MYH14: variants seen among roughly 807,000 people sequenced by gnomAD.
MYH14 encodes the protein myosin-14.
MYH14 carries 123 observed loss-of-function variants against 255.5 expected under a neutral mutation model. The ratio of observed to expected loss-of-function variants is 0.48; its 90% confidence interval spans 0.42 to 0.56. MYH14 has a LOEUF of 0.56. Among genes scored for constraint, MYH14 ranks in the 20% least tolerant of loss-of-function variants. MYH14 has a pLI of 0.00. For missense variants in MYH14, 2,423 were observed against 2,802.3 expected (o/e 0.86, Z 3.06); for synonymous variants, 1,095 against 1,161.2 (o/e 0.94, Z 1.16).
intron 39 of MYH14, among the ~76,000 whole-genome samples, chr19:50,298,330 C>G (rs929880901): frequency 6.6e-6 from 1 of 151,946 alleles, no homozygotes; most frequent in African/African-American, 2.4e-5. Flanking sequence ...TCTGTTTACT[C>G]TAAAAGGGCT....
intron 33 of MYH14, chr19:50,285,908 A>G (rs1363764954): frequency 6.6e-6 from 1 of 152,132 alleles, no homozygotes; most frequent in Non-Finnish European, 1.5e-5. Context: ...TTTATTTCAG[A>G]TATTTCATTT....
chr19:50,247,499 G>A lies in MYH14; in HGVS notation c.1329+377G>A, dbSNP rs552253053. ...AGCCTGGGTGACAGACTGAGACTCTGTCTCTAAAAAAATTAAAAAATTTAA... is the reference window on the plus strand; with the variant it reads ...AGCCTGGGTGACAGACTGAGACTCTATCTCTAAAAAAATTAAAAAATTTAA... On this transcript the variant is annotated intron_variant, in intron 12 of 42. Coordinates refer to ENST00000642316, the MANE Select transcript of MYH14 (RefSeq NM_001145809.2). Among the ~76,000 whole-genome samples, 4 of 151,844 alleles carry A rather than the reference G, an allele frequency of 2.6e-5. No individual in the cohort carries two copies. In the South Asian group the frequency reaches 8.3e-4, roughly 32 times the overall value.
rs2036752502 is a variant in MYH14 at position 50,309,072 on chromosome 19, C to T, written c.5855C>T (p.Ser1952Phe). 1.9e-6 allele frequency: 3 copies of T among 1,613,870 alleles called. No homozygotes were observed. The highest frequency in any genetic ancestry group is 2.5e-6 in the Non-Finnish European group (3 of 1,179,818). The change falls in exon 42 of 43, where the codon TCC becomes TTC. Residue 1952 changes from serine to phenylalanine, a missense_variant. Physicochemically the swap from Ser to Phe is radical, Grantham distance 155 (BLOSUM62 -2). This residue lies in a region of MYH14 where 1,513 missense variants were observed against 1,674.8 expected (regional missense o/e 0.90). Transcript: ENST00000642316. ...RQLEEAEEEA[S>F]RAQAGRRRLQ... ...CTGGAGGAGGCCGAGGAGGAGGCAT[C>T]CCGGGCTCAGGCCGGCCGCCGGAGG...
intron 21 of MYH14, among the ~76,000 whole-genome samples, chr19:50,262,159 G>A (rs2034906963): frequency 6.6e-6 from 1 of 152,172 alleles, no homozygotes; most frequent in Admixed American, 6.5e-5. Context: ...AATGGGAAAG[G>A]TGATCAGGGC....
intron 3 of MYH14, among the ~76,000 whole-genome samples, chr19:50,220,796 G>A (rs983350346): frequency 3.3e-5 from 5 of 151,884 alleles, no homozygotes; most frequent in East Asian, 1.9e-4. Context: ...CAGGTGATCC[G>A]CCTACCTCAG....
chr19:50,218,032 C>T (rs1050904582), intron 3 of MYH14, among the ~76,000 whole-genome samples: 3 of 151,918 alleles, frequency 2.0e-5, no homozygotes, highest in Admixed American at 6.5e-5. Flanking sequence ...AGTCTTGCTC[C>T]GTCACCCAGG....
chr19:50,281,924 C>T (rs2123424646), intron 33 of MYH14, 82 bp downstream of exon 33: 2 of 1,453,426 alleles, frequency 1.4e-6, no homozygotes, highest in East Asian at 2.3e-5. Context: ...ACCAGTAATC[C>T]GTGCTGTCAC....
Position 50,276,656 on chromosome 19 carries a change from T to C in MYH14, c.3681-101T>C. The C allele has an allele frequency of 3.3e-6, 5 of 1,494,724 alleles. No homozygotes were observed. The highest frequency in any genetic ancestry group is 3.7e-6 in the Non-Finnish European group (4 of 1,077,490). 92.6% of individuals were successfully genotyped at this position (1,494,724 alleles called of 1,614,324 possible). A position where few individuals can be genotyped will look rare whatever the true frequency, so the allele number is the denominator to read the frequency against. Reference sequence around the variant, plus strand: ...TGAGGAGCATAACATGAGGCCCTCATATTTTAAGGAAACATGAAAAGGAGA... The same window carrying C: ...TGAGGAGCATAACATGAGGCCCTCACATTTTAAGGAAACATGAAAAGGAGA... On this transcript the variant is annotated intron_variant, in intron 28 of 42. Coordinates refer to ENST00000642316, the MANE Select transcript of MYH14 (RefSeq NM_001145809.2). This position sits in a 1 kb window ranked among gnomAD's most constrained non-coding sequence, Gnocchi z 4.3.
intron 1 of MYH14, among the ~76,000 whole-genome samples, chr19:50,209,240 C>T (rs923513421): frequency 1.4e-4 from 21 of 152,030 alleles, no homozygotes; most frequent in African/African-American, 5.1e-4. Context: ...TTGCAAGTAC[C>T]CGGTAGTGCA....
chr19:50,238,424 G>A (rs545991393), intron 10 of MYH14, among the ~76,000 whole-genome samples: 16 of 152,254 alleles, frequency 1.1e-4, no homozygotes, highest in Non-Finnish European at 8.8e-5. Flanking sequence ...GTAAGGATGT[G>A]TCCTTCTTTA....
chr19:50,246,539 T>C (rs1182317633), intron 11 of MYH14, among the ~76,000 whole-genome samples: 8 of 152,086 alleles, frequency 5.3e-5, no homozygotes, highest in Admixed American at 1.3e-4. Flanking sequence ...GGAGAATCAC[T>C]TGAACCAGGG....
rs71180680 is a variant in MYH14 at position 50,210,096 on chromosome 19, C to CAAAA, written c.-3-238_-3-235dup. ...CTGGGCAACAAGCGAGACTCCGTCT[C>CAAAA]AAAAAAAAAAAAAAAAAAAAAAAAA... is the stretch of plus-strand genomic sequence containing the variant. On this transcript the variant is annotated intron_variant, in intron 1 of 42. Coordinates refer to ENST00000642316, the MANE Select transcript of MYH14 (RefSeq NM_001145809.2). Among the ~76,000 whole-genome samples, 73 of 59,622 alleles carry CAAAA rather than the reference C, an allele frequency of 1.2e-3. 2 individuals are homozygous for CAAAA. Among genetic ancestry groups the CAAAA allele is most frequent in the African/African-American group, 1.4e-3 (24 of 16,680 alleles). The allele number at this position is 59,622 out of a possible 152,430, so 39.1% of individuals were successfully genotyped here. A position where few individuals can be genotyped will look rare whatever the true frequency, so the allele number is the denominator to read the frequency against.
chr19:50,220,847 C>T (rs190495576), intron 3 of MYH14, among the ~76,000 whole-genome samples: 1 of 152,218 alleles, frequency 6.6e-6, no homozygotes, highest in African/African-American at 2.4e-5. Flanking sequence ...GCCACCATGC[C>T]CGGCCTAATA....
At chr19:50,222,479 C>CAAAA (rs542179852) in intron 3 of MYH14, among the ~76,000 whole-genome samples, 16 of 69,666 alleles carry the variant, frequency 2.3e-4, no homozygotes, top group Non-Finnish European at 4.0e-4. Context: ...GACTCCGTCT[C>CAAAA]AAAAAAAAAA....
At position 50,210,734 on chromosome 19, in the gene MYH14, C is replaced by G; in HGVS notation, c.369C>G (p.His123Gln). The change falls in exon 2 of 43, where the codon CAC becomes CAG. Residue 123 changes from histidine (H) to glutamine (Q), a missense_variant. Transcript: ENST00000642316. ...GCCTCAACGAGGCCTCGGTCCTGCA[C>G]AACCTCCGGGAGCGGTACTACTCCG... ...LTCLNEASVL[H>Q]NLRERYYSGL... 6.3e-7 allele frequency: 1 copy of G among 1,580,860 alleles called. No individual in the cohort carries two copies. The highest frequency in any genetic ancestry group is 2.3e-5 in the East Asian group (1 of 42,842).
chr19:50,222,116 C>T (rs1441572059), intron 3 of MYH14, among the ~76,000 whole-genome samples: 3 of 152,076 alleles, frequency 2.0e-5, no homozygotes, highest in Non-Finnish European at 4.4e-5. Context: ...AGGGTAATAA[C>T]CAAAAATGTC....
At chr19:50,220,962 C>A (rs1423213764) in intron 3 of MYH14, among the ~76,000 whole-genome samples, 6 of 152,156 alleles carry the variant, frequency 3.9e-5, no homozygotes, top group Non-Finnish European at 7.4e-5. Flanking sequence ...CTATCAGTTT[C>A]TGCTGGATTA....
At chr19:50,308,899 G>A in intron 41 of MYH14, 106 bp from the exon 42 acceptor site, 6 of 1,121,788 alleles carry the variant, frequency 5.3e-6, no homozygotes, top group Non-Finnish European at 7.6e-6. Flanking sequence ...GGATGGGGCA[G>A]AGAGAGTCAG....
intron 39 of MYH14, among the ~76,000 whole-genome samples, chr19:50,296,187 AC>A (rs1217420882): frequency 6.6e-6 from 1 of 152,184 alleles, no homozygotes; most frequent in Non-Finnish European, 1.5e-5. Context: ...ATTCACGTGA[AC>A]TGGTGATGTA....
Sources: allele counts gnomAD v4.1 joint callset (sites outside exome capture counted in the v4.1 genomes callset), GRCh38; gene constraint gnomAD v4.1.1; regional missense constraint gnomAD v4.1.1; non-coding constraint Gnocchi (gnomAD v3.1); transcripts MANE v1.5; gene names NCBI Gene and HGNC (gene_info 2026-07-23, HGNC 2026-07-21).